Variants in PRSS55 observed in about 807,000 individuals in gnomAD.
PRSS55 encodes probable serine protease UNQ9391/PRO34284.
In PRSS55, 41 loss-of-function variants were observed where a neutral mutation model predicts 23.6. The ratio of observed to expected loss-of-function variants is 1.74; its 90% CI spans 1.35 to 2.26. PRSS55 has a LOEUF of 2.26. PRSS55 is among the 30% of genes most tolerant of loss of function. The pLI is 0.00. For missense variants in PRSS55, 669 were observed against 439.1 expected (o/e 1.52, Z -4.68); for synonymous variants, 262 against 175.5 (o/e 1.49, Z -3.90).
chr8:10,553,163 G>A (rs1812987984), intron 4 of PRSS55, among the ~76,000 whole-genome samples: 1 of 152,310 alleles, frequency 6.6e-6, no homozygotes, highest in East Asian at 1.9e-4. Context: ...CACGAGATCT[G>A]ATGGTTTCAT....
chr8:10,531,589 T>C (rs749936350), intron 3 of PRSS55, 44 bp downstream of exon 3: 4 of 1,604,804 alleles, frequency 2.5e-6, no homozygotes, highest in Admixed American at 3.3e-5. Context: ...GCCACTGCAA[T>C]GTGAAGGAGA....
chr8:10,533,007 C>T lies in PRSS55; in HGVS notation c.700C>T (p.Leu234=), dbSNP rs1442426895. The change falls in exon 4 of 5, where the codon CTG becomes TTG. Residue 234 remains leucine, a synonymous_variant. Transcript: ENST00000328655. ...GTTTCCAAAACTTACCAAAAATATG[C>T]TGTGTGCCGGATACAAGAATGAGAG... The part of the protein sequence containing the change: ...KMFPKLTKNM[L]CAGYKNESYD... 4.3e-6 allele frequency: 7 copies of T among 1,614,048 alleles called. No individual in the cohort carries two copies. The highest frequency in any genetic ancestry group is 5.9e-6 in the Non-Finnish European group (7 of 1,180,044).
chr8:10,529,213 C>T (rs549694202), intron 1 of PRSS55, among the ~76,000 whole-genome samples: 146 of 152,308 alleles, frequency 9.6e-4, no homozygotes, highest in African/African-American at 2.8e-3. Flanking sequence ...TTCTCCTGGA[C>T]GAGAGCAGAA....
At chr8:10,531,639 T>C (rs753584197) in intron 3 of PRSS55, 94 bp downstream of exon 3, 300 of 1,523,308 alleles carry the variant, frequency 2.0e-4, no homozygotes, top group Non-Finnish European at 2.5e-4. Flanking sequence ...AAGACTTGCA[T>C]TGGAGCAGAT....
intron 1 of PRSS55, among the ~76,000 whole-genome samples, 153 bp downstream of exon 1, chr8:10,525,892 G>A (rs1812004931): frequency 6.6e-6 from 1 of 152,056 alleles, no homozygotes; most frequent in African/African-American, 2.4e-5. Context: ...TCTCTCCCCT[G>A]GCCCAGTGTT....
chr8:10,539,431 G>C (rs374994450), downstream of PRSS55, among the ~76,000 whole-genome samples: 1 of 152,196 alleles, frequency 6.6e-6, no homozygotes, highest in East Asian at 1.9e-4. Context: ...AAAAACGAAC[G>C]ATGTGCTTAT....
chr8:10,545,990 C>A (rs998729667), intron 4 of PRSS55, among the ~76,000 whole-genome samples: 1 of 152,102 alleles, frequency 6.6e-6, no homozygotes, highest in Non-Finnish European at 1.5e-5. Context: ...CTCAGATTAC[C>A]CTGAGGCTCA....
downstream of PRSS55, among the ~76,000 whole-genome samples, chr8:10,542,861 A>C (rs1346921521): frequency 7.5e-6 from 1 of 133,836 alleles, no homozygotes; most frequent in African/African-American, 2.9e-5. Context: ...TGACAAAAGC[A>C]AAACTTTGTC....
rs977639024 is a variant in PRSS55, at chr8:10,538,745, C to A, written c.1011C>A (p.Leu337=). 1 of 1,610,296 alleles carries A rather than the reference C, an allele frequency of 6.2e-7. No individual in the cohort carries two copies. Among genetic ancestry groups the A allele is most frequent in the Admixed American group, 1.7e-5 (1 of 59,356 alleles). The change falls in exon 5 of 5, where the codon CTC becomes CTA. Residue 337 remains leucine, a synonymous_variant. Transcript: ENST00000328655. ...VPEPGSPRSW[L]LLCPLSHVLF... is the part of the protein sequence containing the mutation. ...AGCCAGGCAGCCCCAGATCCTGGCT[C>A]CTGCTCTGTCCCCTGTCCCATGTGT...
chr8:10,543,730 T>A (rs1378349547), downstream of PRSS55, among the ~76,000 whole-genome samples: 2 of 33,398 alleles, frequency 6.0e-5, no homozygotes, highest in East Asian at 3.5e-3. Context: ...TTGTGTGTTA[T>A]GTTTTCACTC....
At chr8:10,532,604 C>G (rs1001792510) in intron 3 of PRSS55, among the ~76,000 whole-genome samples, 2 of 152,222 alleles carry the variant, frequency 1.3e-5, no homozygotes, top group Non-Finnish European at 2.9e-5. Flanking sequence ...TGCTGAGAAA[C>G]AGTCAGTAGC....
In PRSS55 at chr8:10,525,700, C is replaced by A; in HGVS notation, c.115C>A (p.His39Asn). Reference sequence around the variant, plus strand: ...TATCCTAGGCAGGGCTAGGGGAGCCCACCGCCCTCAGCCCCCTCATCCCCC... The same window carrying A: ...TATCCTAGGCAGGGCTAGGGGAGCCAACCGCCCTCAGCCCCCTCATCCCCC... ...VAILGRARGA[H>N]RPQPPHPPSP... Residue 39 changes from histidine (H) to asparagine (N), a missense_variant, in exon 1 of 5, where the codon CAC becomes AAC. Coordinates refer to ENST00000328655, the MANE Select transcript of PRSS55 (RefSeq NM_198464.4). 6.2e-7 allele frequency: 1 copy of A among 1,613,338 alleles called. No individual in the cohort carries two copies. Among genetic ancestry groups the A allele is most frequent in the Non-Finnish European group, 8.5e-7 (1 of 1,179,722 alleles).
chr8:10,537,358 A>T (rs1041669034), intron 4 of PRSS55, among the ~76,000 whole-genome samples: 1 of 152,252 alleles, frequency 6.6e-6, no homozygotes, highest in Admixed American at 6.5e-5. Flanking sequence ...TACATTAAGT[A>T]AAATAAGCCA....
intron 4 of PRSS55, among the ~76,000 whole-genome samples, chr8:10,553,283 C>T (rs551982506): frequency 1.3e-5 from 2 of 152,300 alleles, no homozygotes; most frequent in East Asian, 1.9e-4. Flanking sequence ...TGAGGCCTCT[C>T]CAGTCATGTG....
At chr8:10,530,842 G>T (rs1210571566) in intron 2 of PRSS55, among the ~76,000 whole-genome samples, 1 of 152,176 alleles carries the variant, frequency 6.6e-6, no homozygotes, top group African/African-American at 2.4e-5. Context: ...GATCCTGTCT[G>T]CTTGGTCAGT....
chr8:10,537,320 C>G (rs943327969), intron 4 of PRSS55, among the ~76,000 whole-genome samples: 10 of 152,116 alleles, frequency 6.6e-5, no homozygotes, highest in Admixed American at 1.3e-4. Flanking sequence ...CTGTCCTTTA[C>G]AACAGCATGT....
chr8:10,534,223 C>A (rs1462509210), intron 4 of PRSS55, among the ~76,000 whole-genome samples: 1 of 152,106 alleles, frequency 6.6e-6, no homozygotes. Flanking sequence ...CTAAGTACAA[C>A]TAAAAGCACG....
At chr8:10,541,669 G>T (rs1320000496), downstream of PRSS55, 2 of 152,116 alleles carry the variant, frequency 1.3e-5, no homozygotes, top group African/African-American at 2.4e-5. Flanking sequence ...TATCTCTCCT[G>T]TTTTTTCTGG....
At chr8:10,543,485 T>TTC (rs1563547468), downstream of PRSS55, among the ~76,000 whole-genome samples, 7 of 124,298 alleles carry the variant, frequency 5.6e-5, no homozygotes, top group Admixed American at 1.6e-4. Context: ...TCTCTCTTTT[T>TTC]TTTTTTTTTC....
Sources: gnomAD v4.1 joint callset for allele counts (sites outside exome capture counted in the v4.1 genomes callset) on GRCh38, gnomAD v4.1.1 for gene constraint, MANE v1.5 for transcripts, NCBI Gene and HGNC (gene_info 2026-07-23, HGNC 2026-07-21) for gene names.